Variants in ST7 observed in about 807,000 individuals in gnomAD.
ST7 encodes the protein suppression of tumorigenicity 7.
Under a neutral mutation model 78.7 loss-of-function variants are expected in ST7, and 28 were observed. That is an observed-to-expected ratio of 0.36 (90% confidence interval 0.26 to 0.49). ST7 has a LOEUF of 0.49. ST7 is among the 20% of genes least tolerant of loss of function. ST7 has a pLI of 0.99. For synonymous variants in ST7, 247 were observed against 249.6 expected, an observed-to-expected ratio of 0.99 and a Z score of 0.10; for missense variants, 418 against 696.0, an observed-to-expected ratio of 0.60 and a Z score of 4.49.
chr7:117,048,364 T>C (rs1217917205), intron 1 of ST7, among the ~76,000 whole-genome samples: 4 of 152,202 alleles, frequency 2.6e-5, no homozygotes, highest in Admixed American at 6.5e-5. Context: ...GTCTGGATCA[T>C]AGAATGGTCC....
chr7:117,052,927 A>G (rs763546143), intron 1 of ST7, among the ~76,000 whole-genome samples: 16 of 152,134 alleles, frequency 1.1e-4, no homozygotes, highest in Non-Finnish European at 2.2e-4. Context: ...AAACGAAAAA[A>G]TCTAGTCAGT....
intron 12 of ST7, among the ~76,000 whole-genome samples, chr7:117,199,878 G>A (rs922157580): frequency 6.6e-5 from 10 of 152,200 alleles, no homozygotes; most frequent in Admixed American, 4.6e-4. Context: ...GCCAGATCCC[G>A]TGCTTTGCTG....
chr7:117,128,726 C>T (rs1387871805), intron 3 of ST7, among the ~76,000 whole-genome samples: 1 of 151,872 alleles, frequency 6.6e-6, no homozygotes, highest in East Asian at 1.9e-4. Context: ...CTTATTTCCT[C>T]CAGTGGGTGC....
chr7:116,995,140 C>T (rs1432636054), intron 1 of ST7, among the ~76,000 whole-genome samples: 2 of 152,134 alleles, frequency 1.3e-5, no homozygotes, highest in Non-Finnish European at 2.9e-5. Context: ...GCAGTATCTG[C>T]TTTCTGATAT....
At chr7:117,018,478 T>G (rs1294823354) in intron 1 of ST7, among the ~76,000 whole-genome samples, 2 of 152,228 alleles carry the variant, frequency 1.3e-5, no homozygotes, top group Non-Finnish European at 2.9e-5. Context: ...CCTTTCTCTT[T>G]TAACGATTTT....
chr7:117,099,101 T>C (rs952927387), intron 1 of ST7, among the ~76,000 whole-genome samples: 3 of 135,064 alleles, frequency 2.2e-5, no homozygotes, highest in African/African-American at 8.7e-5. Context: ...TGCTTGGCAG[T>C]GAACATTCAT....
intron 2 of ST7, among the ~76,000 whole-genome samples, chr7:117,110,900 T>C (rs995367274): frequency 2.6e-5 from 4 of 152,216 alleles, no homozygotes; most frequent in Non-Finnish European, 5.9e-5. Flanking sequence ...TATCTTATGG[T>C]ACATTTGTCT....
chr7:117,222,726 A>G (rs1793178541), intron 15 of ST7: 1 of 722,852 alleles, frequency 1.4e-6, no homozygotes, highest in East Asian at 2.5e-5. Flanking sequence ...TGATCTTGCC[A>G]CAGATGAGTT....
intron 1 of ST7, among the ~76,000 whole-genome samples, chr7:117,034,375 T>G (rs1796772384): frequency 6.6e-6 from 1 of 152,180 alleles, no homozygotes; most frequent in Admixed American, 6.5e-5. Flanking sequence ...ATATGCCCAT[T>G]TAAACATTTG....
intron 1 of ST7, among the ~76,000 whole-genome samples, chr7:117,054,540 C>T (rs1797965091): frequency 6.6e-6 from 1 of 152,178 alleles, no homozygotes; most frequent in Non-Finnish European, 1.5e-5. Flanking sequence ...CAAAGGACAC[C>T]ATGAACACAG....
At chr7:117,109,646 C>A (rs1437035803) in intron 2 of ST7, among the ~76,000 whole-genome samples, 1 of 152,106 alleles carries the variant, frequency 6.6e-6, no homozygotes, top group East Asian at 1.9e-4. Flanking sequence ...ATCCTATTGA[C>A]CCTATTCCAA....
chr7:117,023,293 T>A (rs1444647107), intron 1 of ST7, among the ~76,000 whole-genome samples: 1 of 152,096 alleles, frequency 6.6e-6, no homozygotes, highest in Non-Finnish European at 1.5e-5. Flanking sequence ...ACCAAAAAAA[T>A]TATGTGGAAG....
intron 9 of ST7, among the ~76,000 whole-genome samples, chr7:117,145,865 T>C (rs1224645734): frequency 6.6e-6 from 1 of 152,182 alleles, no homozygotes. Context: ...TTGTATGCCT[T>C]TGACCATGTT....
At chr7:117,110,576 C>A (rs1223460529) in intron 2 of ST7, among the ~76,000 whole-genome samples, 1 of 152,218 alleles carries the variant, frequency 6.6e-6, no homozygotes, top group African/African-American at 2.4e-5. Flanking sequence ...CTTGTGCAGG[C>A]AGCCTGCACT....
chr7:117,217,609 G>A (rs778672724), intron 13 of ST7, among the ~76,000 whole-genome samples: 55 of 152,076 alleles, frequency 3.6e-4, no homozygotes, highest in Non-Finnish European at 5.7e-4. Context: ...TTGTTCTAGC[G>A]GGCAAAAGTC....
chr7:117,048,183 T>C (rs1797590278), intron 1 of ST7, among the ~76,000 whole-genome samples: 1 of 151,994 alleles, frequency 6.6e-6, no homozygotes, highest in South Asian at 2.1e-4. Context: ...AAAGGAGGAG[T>C]TGATCTTGCT....
chr7:117,156,156 AT>A (rs1294357145), intron 9 of ST7, among the ~76,000 whole-genome samples: 1 of 151,834 alleles, frequency 6.6e-6, no homozygotes, highest in African/African-American at 2.4e-5. Context: ...CTTATTTTCC[AT>A]TTTTCCTTTC....
intron 1 of ST7, among the ~76,000 whole-genome samples, chr7:116,999,461 A>T (rs1036687912): frequency 6.6e-6 from 1 of 152,248 alleles, no homozygotes; most frequent in African/African-American, 2.4e-5. Context: ...AAAAGTATCC[A>T]GTAACAGAAA....
In ST7 at chr7:117,089,752, A is replaced by G. The variant is rs374385029; in HGVS notation, c.152-10010A>G. ...ACGCCCGGCTAGTTTTTGTATTTTT[A>G]GTAGAGACGGGGTTTCACCATATTG... On this transcript the variant is annotated intron_variant, in intron 1 of 15. Coordinates refer to ENST00000323984, the MANE Select transcript of ST7 (RefSeq NM_001369598.1). 1.6e-4 allele frequency among the ~76,000 whole-genome samples: 24 copies of G among 152,050 alleles called. No individual in the cohort carries two copies. In the East Asian group the frequency reaches 3.9e-3, roughly 24 times the overall value.
Sources: gnomAD v4.1 joint callset for allele counts (sites outside exome capture counted in the v4.1 genomes callset) on GRCh38, gnomAD v4.1.1 for gene constraint, MANE v1.5 for transcripts, NCBI Gene and HGNC (gene_info 2026-07-23, HGNC 2026-07-21) for gene names.